SESN2: variants seen among roughly 807,000 people sequenced by gnomAD.
SESN2 encodes sestrin 2.
In SESN2, 42 loss-of-function variants were observed where a neutral mutation model predicts 56.0. The observed-to-expected ratio is 0.75, with a 90% confidence interval of 0.59 to 0.97. The LOEUF is 0.97. Among genes scored for constraint, SESN2 ranks in the 50% least tolerant of loss-of-function variants. The pLI, the probability that SESN2 is intolerant of heterozygous loss-of-function variation, is 0.00. For synonymous variants in SESN2, 264 were observed against 267.1 expected (o/e 0.99, Z 0.11); for missense variants, 507 against 649.4 (o/e 0.78, Z 2.38).
At position 28,274,073 on chromosome 1, in the gene SESN2, T is replaced by C. The variant is rs1014337874; in HGVS notation, c.935T>C (p.Met312Thr). 2 of 1,613,974 alleles carry C rather than the reference T, an allele frequency of 1.2e-6. No homozygotes were observed. Among genetic ancestry groups the C allele is most frequent in the Non-Finnish European group, 1.7e-6 (2 of 1,179,968 alleles). ...DILEPSPHPD[M>T]LCFVEDPTFG... Reference sequence around the variant, plus strand: ...CTGGAGCCCTCTCCACACCCAGACATGCTGTGCTTTGTGGAAGACCCTACT... The same window carrying C: ...CTGGAGCCCTCTCCACACCCAGACACGCTGTGCTTTGTGGAAGACCCTACT... The change falls in exon 7 of 10, where the codon ATG becomes ACG. Residue 312 changes from methionine to threonine, a missense_variant. Transcript: ENST00000253063.
chr1:28,271,956 C>T (rs1180883821), intron 3 of SESN2, 85 bp downstream of exon 3: 1 of 1,302,140 alleles, frequency 7.7e-7, no homozygotes, highest in Non-Finnish European at 1.1e-6. Context: ...GCTTTGTGAG[C>T]TGATTCCATA....
intron 2 of SESN2, among the ~76,000 whole-genome samples, chr1:28,270,078 G>T (rs963266454): frequency 1.3e-5 from 2 of 152,158 alleles, no homozygotes; most frequent in South Asian, 2.1e-4. Context: ...TTTGCCGGCC[G>T]CAGTGGCTCA....
At chr1:28,272,193 A>C in intron 3 of SESN2, 91 bp from the exon 4 acceptor site, 1 of 1,316,318 alleles carries the variant, frequency 7.6e-7, no homozygotes, top group Non-Finnish European at 1.1e-6. Flanking sequence ...GGGAACAGTG[A>C]GCCCTACAAC....
At chr1:28,273,979 A>G (rs1647919018) in intron 6 of SESN2, 61 bp from the exon 7 acceptor site, 1 of 1,099,512 alleles carries the variant, frequency 9.1e-7, no homozygotes, top group South Asian at 1.3e-5. Flanking sequence ...GTGATTAATC[A>G]GGAATGGACC....
At chr1:28,262,277 T>C (rs1430112967) in intron 1 of SESN2, among the ~76,000 whole-genome samples, 2 of 152,140 alleles carry the variant, frequency 1.3e-5, no homozygotes, top group Non-Finnish European at 2.9e-5. Context: ...CAGGAGCTCA[T>C]TGCCTTCAGA....
chr1:28,279,880 G>A (rs1455338034), intron 9 of SESN2, among the ~76,000 whole-genome samples: 2 of 151,752 alleles, frequency 1.3e-5, no homozygotes, highest in Non-Finnish European at 2.9e-5. Flanking sequence ...TTGAGACAGA[G>A]TCTTGCTCTG....
At chr1:28,276,651 C>T (rs1237606599) in intron 8 of SESN2, among the ~76,000 whole-genome samples, 1 of 134,002 alleles carries the variant, frequency 7.5e-6, no homozygotes, top group Non-Finnish European at 1.5e-5. Flanking sequence ...GTGATCTCAG[C>T]TCACTGCAAC....
intron 7 of SESN2, 61 bp from the exon 8 acceptor site, chr1:28,274,764 G>C (rs1422237733): frequency 7.7e-7 from 1 of 1,296,388 alleles, no homozygotes; most frequent in East Asian, 2.3e-5. Flanking sequence ...CCAGAGGATG[G>C]GGGTCTCTCT....
In SESN2 at chr1:28,259,605, C is replaced by CA; in HGVS notation, c.-243_-242insA. The CA allele has an allele frequency of 2.4e-6, 1 of 422,576 alleles. No individual in the cohort carries two copies. Among genetic ancestry groups the CA allele is most frequent in the East Asian group, 3.7e-5 (1 of 27,036 alleles). The allele number at this position is 422,576 out of a possible 1,614,324, so 26.2% of individuals were successfully genotyped here. A position where few individuals can be genotyped will look rare whatever the true frequency, so the allele number is the denominator to read the frequency against. ...CGGACTTCCGAGGCCGTGAAAACCC[C>CA]TGCGCTGCGGCCCTTCCCAGGCCCC... On this transcript the variant is annotated 5_prime_UTR_variant, in exon 1 of 10. In the 5' UTR this introduces an upstream ATG that the reference lacks. Coordinates refer to ENST00000253063, the MANE Select transcript of SESN2 (RefSeq NM_031459.5).
At chr1:28,264,747 A>G (rs1572091590) in intron 1 of SESN2, among the ~76,000 whole-genome samples, 2 of 152,184 alleles carry the variant, frequency 1.3e-5, no homozygotes, top group Non-Finnish European at 2.9e-5. Flanking sequence ...GTGACTAGAG[A>G]CTCACATTTC....
intron 2 of SESN2, 70 bp downstream of exon 2, chr1:28,269,318 A>G: frequency 9.9e-7 from 1 of 1,007,452 alleles, no homozygotes; most frequent in Non-Finnish European, 1.5e-6. Context: ...GTAGGCAGGC[A>G]TCTTTTCCTG....
Position 28,280,900 on chromosome 1 carries a change from A to G in SESN2, c.*98A>G. 3 of 874,050 alleles carry G rather than the reference A, an allele frequency of 3.4e-6. No homozygotes were observed. The highest frequency in any genetic ancestry group is 5.6e-6 in the Non-Finnish European group (3 of 531,338). The allele number at this position is 874,050 out of a possible 1,614,324, so 54.1% of individuals were successfully genotyped here. A position where few individuals can be genotyped will look rare whatever the true frequency, so the allele number is the denominator to read the frequency against. On this transcript the variant is annotated 3_prime_UTR_variant, in exon 10 of 10. Transcript: ENST00000253063. ...TTTGTGTCCCATGCCCACCCTCCCC[A>G]CGCTGCAGTGGGCTTGTGTGTGATG...
chr1:28,270,032 T>C (rs1647702072), intron 2 of SESN2, among the ~76,000 whole-genome samples: 1 of 152,226 alleles, frequency 6.6e-6, no homozygotes, highest in Non-Finnish European at 1.5e-5. Flanking sequence ...TTCCTCATTT[T>C]ATTTGGCCAT....
chr1:28,262,491 C>T (rs555695426), intron 1 of SESN2, among the ~76,000 whole-genome samples: 166 of 151,470 alleles, frequency 1.1e-3, no homozygotes, highest in Non-Finnish European at 1.8e-3. Context: ...GTTAGCCAGG[C>T]GTGGTGGTGT....
intron 8 of SESN2, 77 bp downstream of exon 8, chr1:28,275,092 C>A: frequency 9.0e-7 from 1 of 1,115,990 alleles, no homozygotes; most frequent in African/African-American, 1.6e-5. Context: ...TTTCCATTTT[C>A]TTTTTGTTTT....
rs758943174 is a variant in SESN2 at position 28,269,196 on chromosome 1, G to C, written c.104G>C (p.Ser35Thr). Residue 35 changes from serine to threonine, a missense_variant, in exon 2 of 10, where the codon AGC becomes ACC. By Grantham distance (58) the Ser-to-Thr change is moderately conservative. Coordinates refer to ENST00000253063, the MANE Select transcript of SESN2 (RefSeq NM_031459.5). ...DSGPGEEQRE[S>T]RARRGPRGPS... Reference sequence around the variant, plus strand: ...GTTTCCTCCCAGGAGCAGAGGGAGAGCCGGGCTCGGCGAGGCCCTCGAGGG... The same window carrying C: ...GTTTCCTCCCAGGAGCAGAGGGAGACCCGGGCTCGGCGAGGCCCTCGAGGG... 1 of 1,612,744 alleles carries C rather than the reference G, an allele frequency of 6.2e-7. No individual in the cohort carries two copies. Among genetic ancestry groups the C allele is most frequent in the East Asian group, 2.2e-5 (1 of 44,794 alleles).
At chr1:28,269,410 C>G (rs1647676534) in intron 2 of SESN2, among the ~76,000 whole-genome samples, 162 bp downstream of exon 2, 1 of 152,084 alleles carries the variant, frequency 6.6e-6, no homozygotes, top group Non-Finnish European at 1.5e-5. Flanking sequence ...GAAGCAGGCA[C>G]TGTCAACTCC....
chr1:28,263,622 G>T (rs903976802), intron 1 of SESN2, among the ~76,000 whole-genome samples: 5 of 151,992 alleles, frequency 3.3e-5, no homozygotes, highest in Non-Finnish European at 7.4e-5. Flanking sequence ...TAAAGTCTGG[G>T]GCTTCTCCAA....
intron 1 of SESN2, among the ~76,000 whole-genome samples, chr1:28,264,881 T>C (rs1173210719): frequency 6.6e-6 from 1 of 152,136 alleles, no homozygotes; most frequent in Non-Finnish European, 1.5e-5. Flanking sequence ...TGACAGGTGC[T>C]GTGACTGGAG....
Sources: gnomAD v4.1 joint callset for allele counts (sites outside exome capture counted in the v4.1 genomes callset) on GRCh38, gnomAD v4.1.1 for gene constraint, MANE v1.5 for transcripts, NCBI Gene and HGNC (gene_info 2026-07-23, HGNC 2026-07-21) for gene names.